The following RARS1 variants were observed in gnomAD, a reference collection of about 807,000 sequenced individuals.
RARS1 encodes the protein arginyl-tRNA synthetase 1.
Under a neutral mutation model 78.7 loss-of-function variants are expected in RARS1, and 75 were observed. That is an observed-to-expected ratio of 0.95 (90% CI 0.79 to 1.15). The LOEUF (loss-of-function observed/expected upper bound fraction) is 1.15, where lower values mean the gene tolerates loss of function less well. Among genes scored for constraint, RARS1 ranks in the 50% most tolerant of loss-of-function variants. The pLI is 0.00. For missense variants in RARS1, 787 were observed against 787.5 expected (o/e 1.00, Z 0.01); for synonymous variants, 273 against 268.2 (o/e 1.02, Z -0.18).
chr5:168,502,451 TCCTCCCACCTCGG>T (rs1758350642), intron 9 of RARS1, among the ~76,000 whole-genome samples: 1 of 148,818 alleles, frequency 6.7e-6, no homozygotes, highest in South Asian at 2.1e-4. Flanking sequence ...CCTCAAGTGA[TCCTCCCACCTCGG>T]CCTCCCAGAG....
At chr5:168,488,883 C>A in intron 2 of RARS1, 147 bp downstream of exon 2, 1 of 939,670 alleles carries the variant, frequency 1.1e-6, no homozygotes, top group Non-Finnish European at 1.5e-6. Context: ...CATTAGACAA[C>A]TTAGGACTGA....
intron 13 of RARS1, 70 bp downstream of exon 13, chr5:168,517,020 CTTTTTT>C: frequency 8.6e-7 from 1 of 1,167,850 alleles, no homozygotes; most frequent in South Asian, 1.6e-5. Context: ...AAAATATTTT[CTTTTTT>C]TTTTTTTGAA....
Position 168,516,963 on chromosome 5 carries a change from A to T in RARS1, c.1625+13A>T, listed in dbSNP as rs745332515. On this transcript the variant is annotated intron_variant, in intron 13 of 14. Transcript: ENST00000231572. ...TCACTAGAATCAGGTAATTGTGGGT[A>T]GGCATTGTTTTATTGTGAATCAAAT... 3.7e-6 allele frequency: 6 copies of T among 1,610,562 alleles called. No homozygotes were observed. The highest frequency in any genetic ancestry group is 5.1e-6 in the Non-Finnish European group (6 of 1,176,972).
chr5:168,497,473 T>C, intron 7 of RARS1, 125 bp downstream of exon 7: 1 of 714,262 alleles, frequency 1.4e-6, no homozygotes, highest in Admixed American at 4.0e-5. Flanking sequence ...GCTAACAGCC[T>C]TAGTAATACA....
At chr5:168,510,976 A>AC (rs1758552844) in intron 12 of RARS1, among the ~76,000 whole-genome samples, 1 of 152,220 alleles carries the variant, frequency 6.6e-6, no homozygotes, top group Non-Finnish European at 1.5e-5. Flanking sequence ...AATATTGCAG[A>AC]CTGAAGGGGT....
At chr5:168,488,419 T>G in intron 1 of RARS1, 183 bp from the exon 2 acceptor site, 1 of 633,010 alleles carries the variant, frequency 1.6e-6, no homozygotes, top group East Asian at 3.2e-5. Flanking sequence ...TGAGCCACCA[T>G]GCCTGGCCAA....
chr5:168,500,633 C>T lies in RARS1; in HGVS notation c.865C>T (p.Arg289Ter), dbSNP rs771271888. 7.5e-6 allele frequency: 12 copies of T among 1,600,478 alleles called. No homozygotes were observed. The highest frequency in any genetic ancestry group is 2.3e-5 in the South Asian group (2 of 88,366). ...RFDTEEEFKKRAYQCVVLLQG... is the reference protein window; with the variant it reads ...RFDTEEEFKK Reference sequence around the variant, plus strand: ...TGATACTGAGGAGGAATTTAAGAAGCGAGCATATCAGTGTGTAGTTCTGCT... The same window carrying T: ...TGATACTGAGGAGGAATTTAAGAAGTGAGCATATCAGTGTGTAGTTCTGCT... The change falls in exon 8 of 15, where the codon CGA (arginine) becomes TGA (stop). Residue 289 changes from arginine (R) to a stop codon, truncating the protein, a stop_gained. Coordinates refer to ENST00000231572, the MANE Select transcript of RARS1 (RefSeq NM_002887.4). LOFTEE classifies it high-confidence loss of function.
At chr5:168,488,495 C>T in intron 1 of RARS1, 107 bp from the exon 2 acceptor site, 1 of 1,210,104 alleles carries the variant, frequency 8.3e-7, no homozygotes, top group Non-Finnish European at 1.2e-6. Flanking sequence ...AAACACAGCT[C>T]ATCAAAGGGA....
intron 13 of RARS1, 57 bp downstream of exon 13, chr5:168,517,007 T>C: frequency 2.0e-6 from 3 of 1,486,188 alleles, no homozygotes; most frequent in South Asian, 1.2e-5. Context: ...ATTTAGTTAC[T>C]CAAAAATATT....
intron 9 of RARS1, 141 bp from the exon 10 acceptor site, chr5:168,505,880 A>ATG: frequency 1.3e-6 from 1 of 782,374 alleles, no homozygotes; most frequent in Non-Finnish European, 1.9e-6. Context: ...GGAAAAAATT[A>ATG]TGTGCTTTCT....
chr5:168,496,466 G>A (rs1008419347), intron 6 of RARS1, among the ~76,000 whole-genome samples: 1 of 151,628 alleles, frequency 6.6e-6, no homozygotes, highest in Non-Finnish European at 1.5e-5. Flanking sequence ...AAAGCAGAGA[G>A]GGAGAGAAGT....
In RARS1 at chr5:168,505,714, GAAAAA is replaced by G. The variant is rs60743864; in HGVS notation, c.1058-290_1058-286del. Among the ~76,000 whole-genome samples, 17,982 of 114,234 alleles carry G rather than the reference GAAAAA, an allele frequency of 0.16. 1,400 individuals are homozygous for G. Among genetic ancestry groups the G allele is most frequent in the Non-Finnish European group, 0.22 (12,364 of 55,206 alleles). 74.9% of individuals were successfully genotyped at this position (114,234 alleles called of 152,430 possible). On this transcript the variant is annotated intron_variant, in intron 9 of 14. Coordinates refer to ENST00000231572, the MANE Select transcript of RARS1 (RefSeq NM_002887.4). ...CGTAGCAAGACTGTGTATCAAAAAA[GAAAAA>G]AAAAAAAAAAAAAAAAGCAGTTGGG...
At chr5:168,504,103 C>T (rs367793546) in intron 9 of RARS1, among the ~76,000 whole-genome samples, 4 of 148,262 alleles carry the variant, frequency 2.7e-5, no homozygotes, top group Non-Finnish European at 5.9e-5. Context: ...AGAGAGAGGT[C>T]GAGCATGGCA....
rs565657348 is a variant in RARS1, at chr5:168,491,601, A to G, written c.181-1058A>G. 3.9e-5 allele frequency among the ~76,000 whole-genome samples: 6 copies of G among 152,340 alleles called. No homozygotes were observed. The South Asian group carries it at 6.2e-4, about 16-fold the overall frequency. ...CATAAAACTTGGACTGTCCATTCCAATAGACCTGAGTTTGAATCTGGCCTT... is the reference window on the plus strand; with the variant it reads ...CATAAAACTTGGACTGTCCATTCCAGTAGACCTGAGTTTGAATCTGGCCTT... On this transcript the variant is annotated intron_variant, in intron 2 of 14. Transcript: ENST00000231572.
chr5:168,492,552 T>G, intron 2 of RARS1, 107 bp from the exon 3 acceptor site: 1 of 986,008 alleles, frequency 1.0e-6, no homozygotes, highest in Non-Finnish European at 1.5e-6. Flanking sequence ...CGTTTTCCCT[T>G]TTGGTTCTTA....
At chr5:168,509,724 C>T (rs575905893) in intron 11 of RARS1, among the ~76,000 whole-genome samples, 1 of 149,966 alleles carries the variant, frequency 6.7e-6, no homozygotes, top group Admixed American at 6.7e-5. Context: ...AATTCCAACA[C>T]TTTGGGAGGC....
rs751583826 is a variant in RARS1, at chr5:168,493,910, A to G, written c.386A>G (p.Glu129Gly). 2 of 1,612,044 alleles carry G rather than the reference A, an allele frequency of 1.2e-6. No homozygotes were observed. The highest frequency in any genetic ancestry group is 2.2e-5 in the South Asian group (2 of 90,972). The change falls in exon 4 of 15, where the codon GAA becomes GGA. Residue 129 changes from glutamate (E) to glycine (G), a missense_variant. Glu to Gly is a moderately conservative substitution (Grantham distance 98). Transcript: ENST00000231572. ...MGISQMLKTK[E>G]QKVNPREIAE... ...GTGTTGTAGATGCTCAAAACCAAGG[A>G]ACAGAAAGTTAATCCAAGAGAAATT...
At chr5:168,495,202 A>T in intron 5 of RARS1, 113 bp from the exon 6 acceptor site, 1 of 1,438,640 alleles carries the variant, frequency 7.0e-7, no homozygotes, top group Non-Finnish European at 9.2e-7. Flanking sequence ...TTGTTATTAA[A>T]TGTGTTATTA....
At position 168,488,119 on chromosome 5, in the gene RARS1, A is replaced by G. The variant is rs762852580; in HGVS notation, c.46-483A>G. 3.9e-5 allele frequency: 14 copies of G among 362,162 alleles called. 1 individual carries two copies. Among genetic ancestry groups the G allele is most frequent in the South Asian group, 2.5e-4 (12 of 47,096 alleles). The allele number at this position is 362,162 out of a possible 1,614,324, so 22.4% of individuals were successfully genotyped here. On this transcript the variant is annotated intron_variant, in intron 1 of 14. Coordinates refer to ENST00000231572, the MANE Select transcript of RARS1 (RefSeq NM_002887.4). The stretch of plus-strand genomic sequence containing the variant: ...CAAAACACATGTATGTGTGGTTAAT[A>G]TATTCTTTTTCTTTTTCTTTTTTTT...
Sources: allele counts gnomAD v4.1 joint callset (sites outside exome capture counted in the v4.1 genomes callset), GRCh38; gene constraint gnomAD v4.1.1; transcripts MANE v1.5; gene names NCBI Gene and HGNC (gene_info 2026-07-23, HGNC 2026-07-21).